The following IDH1 variants were observed in gnomAD, a reference collection of about 807,000 sequenced individuals.
IDH1 encodes the protein isocitrate dehydrogenase [NADP] cytoplasmic.
In IDH1, 33 loss-of-function variants were observed where a neutral mutation model predicts 46.1. That is an observed-to-expected ratio of 0.72 (90% CI 0.54 to 0.96). The LOEUF is 0.96. Among genes scored for constraint, IDH1 ranks in the 40% least tolerant of loss-of-function variants. The pLI, the probability that IDH1 is intolerant of heterozygous loss-of-function variation, is 0.00. For synonymous variants in IDH1, 144 were observed against 172.8 expected (o/e 0.83, Z 1.31); for missense variants, 421 against 515.7 (o/e 0.82, Z 1.78).
chr2:208,239,346 T>A, intron 8 of IDH1, 113 bp from the exon 9 acceptor site: 1 of 1,040,558 alleles, frequency 9.6e-7, no homozygotes, highest in East Asian at 2.6e-5. Flanking sequence ...ACAGACTTCT[T>A]TAGATACTAA....
intron 7 of IDH1, 127 bp downstream of exon 7, chr2:208,241,867 A>G (rs1687925359): frequency 1.1e-6 from 1 of 892,398 alleles, no homozygotes; most frequent in African/African-American, 1.7e-5. Context: ...GCTGTCAGGT[A>G]AGACGGTGGA....
intron 6 of IDH1, among the ~76,000 whole-genome samples, chr2:208,242,686 A>G (rs982025532): frequency 3.9e-5 from 6 of 152,250 alleles, no homozygotes; most frequent in African/African-American, 1.4e-4. Context: ...GTGCTGTGGA[A>G]GCCAGTGTTG....
At chr2:208,250,218 TAG>T (rs1195127255) in intron 3 of IDH1, among the ~76,000 whole-genome samples, 2 of 152,152 alleles carry the variant, frequency 1.3e-5, no homozygotes, top group South Asian at 4.2e-4. Flanking sequence ...AAAGCATCTT[TAG>T]TTGCAGCCAT....
intron 6 of IDH1, among the ~76,000 whole-genome samples, 155 bp downstream of exon 6, chr2:208,243,272 T>A (rs1288143736): frequency 6.6e-6 from 1 of 152,196 alleles, no homozygotes; most frequent in Non-Finnish European, 1.5e-5. Context: ...TTTGTTTCAC[T>A]CCTGCTAAAC....
chr2:208,244,424 C>T (rs1047190412), intron 5 of IDH1, among the ~76,000 whole-genome samples: 26 of 152,206 alleles, frequency 1.7e-4, no homozygotes, highest in African/African-American at 6.0e-4. Context: ...ACTCAATCCT[C>T]AGTTATTGAG....
At chr2:208,238,251 GGTCTT>G (rs1327578316) in intron 9 of IDH1, among the ~76,000 whole-genome samples, 3 of 151,930 alleles carry the variant, frequency 2.0e-5, no homozygotes, top group African/African-American at 7.2e-5. Context: ...TAGCCAGGAT[GGTCTT>G]GATCTCCTGA....
chr2:208,253,910 C>G lies in IDH1; in HGVS notation c.-41G>C, dbSNP rs1432878298. The stretch of plus-strand genomic sequence containing the variant: ...CCTTGACAGTGAATAGATTTCTTAT[C>G]ACCCCAGTTCCTCCCAGTCTTGCAG... On this transcript the variant is annotated 5_prime_UTR_variant, in exon 2 of 10. Coordinates refer to ENST00000345146, the MANE Select transcript of IDH1 (RefSeq NM_005896.4). 1.3e-5 allele frequency: 2 copies of G among 152,272 alleles called. No individual in the cohort carries two copies. The highest frequency in any genetic ancestry group is 2.9e-5 in the Non-Finnish European group (2 of 68,066). 9.4% of individuals were successfully genotyped at this position (152,272 alleles called of 1,614,324 possible).
chr2:208,252,789 C>T (rs1688147702), intron 2 of IDH1, among the ~76,000 whole-genome samples: 1 of 152,136 alleles, frequency 6.6e-6, no homozygotes, highest in Admixed American at 6.5e-5. Flanking sequence ...ATTTCCAATC[C>T]CCAGGCCCAT....
At chr2:208,241,389 ATTTTT>A (rs35384132) in intron 7 of IDH1, among the ~76,000 whole-genome samples, 2 of 119,962 alleles carry the variant, frequency 1.7e-5, no homozygotes, top group East Asian at 2.3e-4. Flanking sequence ...CACCTGGCTA[ATTTTT>A]TTTTTTTTTT....
Position 208,237,022 on chromosome 2 carries a change from T to C in IDH1, c.*57A>G. On this transcript the variant is annotated 3_prime_UTR_variant, in exon 10 of 10. Coordinates refer to ENST00000345146, the MANE Select transcript of IDH1 (RefSeq NM_005896.4). ...TCCTTGAGTGTAACACAGAAAAATGTAAACCTGTAGACCTAGTTACCAAAA... is the reference window on the plus strand; with the variant it reads ...TCCTTGAGTGTAACACAGAAAAATGCAAACCTGTAGACCTAGTTACCAAAA... The C allele has an allele frequency of 1.1e-6, 1 of 940,474 alleles. No individual in the cohort carries two copies. The highest frequency in any genetic ancestry group is 1.7e-6 in the Non-Finnish European group (1 of 586,862). 58.3% of individuals were successfully genotyped at this position (940,474 alleles called of 1,614,324 possible).
chr2:208,248,730 T>C, intron 3 of IDH1, 70 bp from the exon 4 acceptor site: 3 of 1,381,314 alleles, frequency 2.2e-6, no homozygotes, highest in East Asian at 2.3e-5. Flanking sequence ...ACTGCAGTGA[T>C]GGCATATAGA....
rs1460084895 is a variant in IDH1, at chr2:208,250,440, T to A, written c.122+990A>T. On this transcript the variant is annotated intron_variant, in intron 3 of 9. Transcript: ENST00000345146. Reference sequence around the variant, plus strand: ...GTTTAGAACAATTAAAAAGTATGTTTAATGACATTATGTGAATTAAATGTC... The same window carrying A: ...GTTTAGAACAATTAAAAAGTATGTTAAATGACATTATGTGAATTAAATGTC... Among the ~76,000 whole-genome samples the A allele has an allele frequency of 2.0e-5, 3 of 152,150 alleles. No individual in the cohort carries two copies. In the East Asian group the frequency reaches 5.8e-4, roughly 29 times the overall value.
intron 9 of IDH1, among the ~76,000 whole-genome samples, chr2:208,238,412 C>T (rs1687858343): frequency 6.6e-6 from 1 of 152,128 alleles, no homozygotes; most frequent in Non-Finnish European, 1.5e-5. Flanking sequence ...GGTATACTGA[C>T]CCTACCTGGG....
At chr2:208,238,136 C>T (rs111539830) in intron 9 of IDH1, among the ~76,000 whole-genome samples, 3,919 of 150,716 alleles carry the variant, frequency 0.026, 59 homozygotes, top group African/African-American at 0.038. Context: ...CCCAGGTTCA[C>T]GCCATTCTCC....
At position 208,239,878 on chromosome 2, in the gene IDH1, A is replaced by G. The variant is rs185564694; in HGVS notation, c.976T>C (p.Ser326Pro). 231 of 1,614,162 alleles carry G rather than the reference A, an allele frequency of 1.4e-4. No individual in the cohort carries two copies. Among genetic ancestry groups the G allele is most frequent in the Non-Finnish European group, 1.9e-4 (221 of 1,179,994 alleles). The stretch of plus-strand genomic sequence containing the variant: ...ACCATCTTACCAATGGGATTGGTGG[A>G]CGTCTCCTGTCCTTTCTGGTACATG... ...YRMYQKGQET[S>P]TNPIASIFAW... is the part of the protein sequence containing the mutation. Residue 326 changes from serine to proline, a missense_variant, in exon 8 of 10, where the codon TCC (serine) becomes CCC (proline). Physicochemically the swap from Ser to Pro is moderately conservative, Grantham distance 74. Transcript: ENST00000345146.
chr2:208,236,361 C>G lies in IDH1; in HGVS notation c.*718G>C, dbSNP rs1161161024. 8.7e-6 allele frequency: 2 copies of G among 229,054 alleles called. No homozygotes were observed. Among genetic ancestry groups the G allele is most frequent in the African/African-American group, 4.4e-5 (2 of 45,062 alleles). The allele number at this position is 229,054 out of a possible 1,614,324, so 14.2% of individuals were successfully genotyped here. ...GGCCAGCAGAAGTCCAAAAAAGATT[C>G]AGCTTACATTATTGCACTTGGATGA... On this transcript the variant is annotated 3_prime_UTR_variant, in exon 10 of 10. Coordinates refer to ENST00000345146, the MANE Select transcript of IDH1 (RefSeq NM_005896.4).
chr2:208,242,018 C>A lies in IDH1; in HGVS notation c.826G>T (p.Val276Leu). ...IWACKNYDGD[V>L]QSDSVAQGYG... ...CCTTGGGCCACAGAGTCCGACTGCA[C>A]GTCACCATCATAGTTTTTACAGGCC... is the stretch of plus-strand genomic sequence containing the variant. Residue 276 changes from valine (V) to leucine (L), a missense_variant, in exon 7 of 10, where the codon GTG becomes TTG. By Grantham distance (32) the Val-to-Leu change is conservative. Transcript: ENST00000345146. 6.2e-7 allele frequency: 1 copy of A among 1,612,504 alleles called. No homozygotes were observed. Among genetic ancestry groups the A allele is most frequent in the Non-Finnish European group, 8.5e-7 (1 of 1,179,834 alleles).
Position 208,242,001 on chromosome 2 carries a change from C to T in IDH1, c.843G>A (p.Val281=), listed in dbSNP as rs751525590. 16 of 1,612,106 alleles carry T rather than the reference C, an allele frequency of 9.9e-6. No homozygotes were observed. Among genetic ancestry groups the T allele is most frequent in the Non-Finnish European group, 1.4e-5 (16 of 1,179,802 alleles). ...NYDGDVQSDS[V]AQGYGSLGMM... ...CAGGCTCCACCTCTGTACCTTGGGC[C>T]ACAGAGTCCGACTGCACGTCACCAT... Residue 281 remains valine, a synonymous_variant, in exon 7 of 10, where the codon GTG becomes GTA. Coordinates refer to ENST00000345146, the MANE Select transcript of IDH1 (RefSeq NM_005896.4).
rs746228832 is a variant in IDH1 at position 208,236,655 on chromosome 2, C to G, written c.*424G>C. ...CTCACAAAACGGGATATCTATGACA[C>G]CAGAACTTCCCTGTGCCCAAGGTCA... On this transcript the variant is annotated 3_prime_UTR_variant, in exon 10 of 10. Transcript: ENST00000345146. The G allele has an allele frequency of 3.9e-4, 104 of 269,374 alleles. No individual in the cohort carries two copies. Among genetic ancestry groups the G allele is most frequent in the Non-Finnish European group, 6.4e-4 (89 of 139,906 alleles). The allele number at this position is 269,374 out of a possible 1,614,324, so 16.7% of individuals were successfully genotyped here.
Sources: gnomAD v4.1 joint callset for allele counts (sites outside exome capture counted in the v4.1 genomes callset) on GRCh38, gnomAD v4.1.1 for gene constraint, MANE v1.5 for transcripts, NCBI Gene and HGNC (gene_info 2026-07-23, HGNC 2026-07-21) for gene names.